SOX5: variants seen among roughly 807,000 people sequenced by gnomAD.
SOX5 encodes transcription factor SOX-5.
SOX5 carries 9 observed loss-of-function variants against 92.0 expected under a neutral mutation model. The observed-to-expected ratio is 0.10, with a 90% confidence interval of 0.06 to 0.17. The LOEUF is 0.17. SOX5 is among the 10% of genes least tolerant of loss of function. SOX5 has a pLI of 1.00. For missense variants in SOX5, 642 were observed against 944.5 expected (o/e 0.68, Z 4.20); for synonymous variants, 344 against 336.3 (o/e 1.02, Z -0.25).
At chr12:23,673,739 A>AT (rs377274506) in intron 6 of SOX5, among the ~76,000 whole-genome samples, 1 of 151,900 alleles carries the variant, frequency 6.6e-6, no homozygotes, top group African/African-American at 2.4e-5. Flanking sequence ...CTTTGAAAAA[A>AT]ATCTCAAAAA....
chr12:24,255,755 G>A (rs534339097), intron 3 of SOX5, among the ~76,000 whole-genome samples: 54 of 152,272 alleles, frequency 3.5e-4, no homozygotes, highest in Admixed American at 1.1e-3. Context: ...AGATTTCTAA[G>A]TCCTTCTTTC....
intron 3 of SOX5, among the ~76,000 whole-genome samples, chr12:24,220,888 A>T (rs1336903063): frequency 6.6e-6 from 1 of 152,220 alleles, no homozygotes; most frequent in East Asian, 1.9e-4. Context: ...CTTCCTATGT[A>T]GTAGCCGAAA....
chr12:23,721,974 T>TAA lies in SOX5; in HGVS notation c.810+12709_810+12710insTT, dbSNP rs575297326. ...AGTTATTTAAATAGAGAGCATGGTG[T>TAA]TCACAGGAGGGTAAATATCATTGAG... On this transcript the variant is annotated intron_variant, in intron 6 of 14. Coordinates refer to ENST00000451604, the MANE Select transcript of SOX5 (RefSeq NM_006940.6). 2.8e-3 allele frequency among the ~76,000 whole-genome samples: 430 copies of TAA among 152,324 alleles called. 3 individuals carry two copies. The highest frequency in any genetic ancestry group is 8.1e-3 in the South Asian group (39 of 4,826).
At chr12:24,125,698 C>A (rs190621463) in intron 4 of SOX5, among the ~76,000 whole-genome samples, 5 of 152,324 alleles carry the variant, frequency 3.3e-5, no homozygotes, top group East Asian at 1.9e-4. Flanking sequence ...TTCCTTCCTT[C>A]AGCATTCAAA....
chr12:23,667,813 A>G (rs2084067531), intron 6 of SOX5, among the ~76,000 whole-genome samples: 1 of 152,178 alleles, frequency 6.6e-6, no homozygotes, highest in Non-Finnish European at 1.5e-5. Context: ...GTACTGTACT[A>G]TTAATAAAAA....
chr12:24,161,779 A>G (rs1952784713), intron 4 of SOX5, among the ~76,000 whole-genome samples: 1 of 152,058 alleles, frequency 6.6e-6, no homozygotes, highest in African/African-American at 2.4e-5. Flanking sequence ...GGGTCCAGGG[A>G]AAAGGGAAAT....
intron 8 of SOX5, among the ~76,000 whole-genome samples, chr12:23,630,921 TTA>T (rs2078450236): frequency 6.6e-6 from 1 of 152,034 alleles, no homozygotes; most frequent in South Asian, 2.1e-4. Flanking sequence ...TTTCATCATT[TTA>T]TCTTTCCTCT....
intron 4 of SOX5, among the ~76,000 whole-genome samples, chr12:24,122,243 C>T (rs539753051): frequency 1.3e-5 from 2 of 152,236 alleles, no homozygotes; most frequent in South Asian, 2.1e-4. Context: ...GAAACGTGGC[C>T]TTATCAGTAT....
intron 2 of SOX5, among the ~76,000 whole-genome samples, chr12:24,297,611 T>C (rs1202627843): frequency 6.6e-6 from 1 of 152,240 alleles, no homozygotes; most frequent in African/African-American, 2.4e-5. Context: ...CGAGAAGATC[T>C]GATACCTTTT....
At chr12:23,615,985 T>C (rs2076511795) in intron 8 of SOX5, among the ~76,000 whole-genome samples, 1 of 152,208 alleles carries the variant, frequency 6.6e-6, no homozygotes, top group South Asian at 2.1e-4. Flanking sequence ...ATATAGATAG[T>C]TACCTCTCAA....
chr12:24,253,836 A>G (rs1259750237), intron 3 of SOX5, among the ~76,000 whole-genome samples: 1 of 152,228 alleles, frequency 6.6e-6, no homozygotes, highest in Non-Finnish European at 1.5e-5. Context: ...AGAGAATTCT[A>G]AAGTCTTAAT....
intron 4 of SOX5, among the ~76,000 whole-genome samples, chr12:24,025,567 T>C (rs1954789386): frequency 1.3e-5 from 2 of 152,046 alleles, no homozygotes; most frequent in South Asian, 4.1e-4. Context: ...CACAGAAGAA[T>C]GGATCCTTCT....
At chr12:23,547,336 A>T (rs1337792347) in intron 11 of SOX5, among the ~76,000 whole-genome samples, 1 of 152,144 alleles carries the variant, frequency 6.6e-6, no homozygotes, top group Non-Finnish European at 1.5e-5. Context: ...TAAGAAATGC[A>T]TCCATTGGAT....
intron 3 of SOX5, among the ~76,000 whole-genome samples, chr12:24,261,587 A>C (rs117248469): frequency 0.022 from 3,298 of 152,354 alleles, 58 homozygotes; most frequent in South Asian, 0.069. Flanking sequence ...CTATAGGAAA[A>C]AAAAATCAAT....
At chr12:24,275,190 TATTAA>T (rs1336528885) in intron 3 of SOX5, among the ~76,000 whole-genome samples, 1 of 152,218 alleles carries the variant, frequency 6.6e-6, no homozygotes, top group African/African-American at 2.4e-5. Context: ...CAAATTTTAA[TATTAA>T]ATTATACTAT....
chr12:24,106,637 C>T (rs983342857), intron 4 of SOX5, among the ~76,000 whole-genome samples: 5 of 151,660 alleles, frequency 3.3e-5, no homozygotes, highest in African/African-American at 9.7e-5. Context: ...ATTAAAAATA[C>T]AAAACTTACC....
intron 4 of SOX5, among the ~76,000 whole-genome samples, chr12:23,747,976 A>AAC (rs2094050603): frequency 6.6e-6 from 1 of 151,164 alleles, no homozygotes; most frequent in Non-Finnish European, 1.5e-5. Context: ...AAAAAAAAAA[A>AAC]CGAATACAAT....
At chr12:24,094,146 C>T (rs901943984) in intron 4 of SOX5, among the ~76,000 whole-genome samples, 1 of 152,076 alleles carries the variant, frequency 6.6e-6, no homozygotes, top group African/African-American at 2.4e-5. Flanking sequence ...GGGGTTTCAC[C>T]ATGTTGACCA....
At chr12:24,466,008 A>C (rs1295548774) in intron 1 of SOX5, among the ~76,000 whole-genome samples, 1 of 152,172 alleles carries the variant, frequency 6.6e-6, no homozygotes, top group Non-Finnish European at 1.5e-5. Context: ...ATACTACCCT[A>C]ATTATCCCAC....
Sources: allele counts gnomAD v4.1 joint callset (sites outside exome capture counted in the v4.1 genomes callset), GRCh38; gene constraint gnomAD v4.1.1; transcripts MANE v1.5; gene names NCBI Gene and HGNC (gene_info 2026-07-23, HGNC 2026-07-21).